Variants in ADGRL1 observed in about 807,000 individuals in gnomAD.
The protein encoded by ADGRL1 is CIRL-1.
A neutral mutation model predicts 148.9 loss-of-function variants in ADGRL1; 31 were observed. The ratio of observed to expected loss-of-function variants is 0.21; its 90% CI spans 0.16 to 0.28. ADGRL1 has a LOEUF of 0.28. Ranked by LOEUF, ADGRL1 falls within the 10% of genes least tolerant of loss-of-function variation. ADGRL1 has a pLI of 1.00. For missense variants in ADGRL1, 1,521 were observed against 2,058.8 expected, an observed-to-expected ratio of 0.74 and a Z score of 5.05; for synonymous variants, 937 against 900.3, an observed-to-expected ratio of 1.04 and a Z score of -0.73.
At chr19:14,187,754 T>C (rs1253113244) in intron 1 of ADGRL1, among the ~76,000 whole-genome samples, 3 of 152,124 alleles carry the variant, frequency 2.0e-5, no homozygotes, top group Non-Finnish European at 4.4e-5. Flanking sequence ...TCCAGCATGT[T>C]ACCTTGGGAA....
chr19:14,164,116 G>A (rs1056026319), intron 4 of ADGRL1, among the ~76,000 whole-genome samples: 1 of 151,568 alleles, frequency 6.6e-6, no homozygotes, highest in Non-Finnish European at 1.5e-5. Flanking sequence ...CAGTACCCAC[G>A]AAGTCAGTAG....
At chr19:14,184,663 G>A (rs1219144474) in intron 1 of ADGRL1, among the ~76,000 whole-genome samples, 1 of 131,016 alleles carries the variant, frequency 7.6e-6, no homozygotes, top group South Asian at 2.4e-4. Context: ...TTTCTGAGAC[G>A]GAGTCGTGCT....
Position 14,161,391 on chromosome 19 carries a change from G to T in ADGRL1, c.1431C>A (p.Pro477=). 1.9e-6 allele frequency: 3 copies of T among 1,589,346 alleles called. No individual in the cohort carries two copies. Among genetic ancestry groups the T allele is most frequent in the Non-Finnish European group, 2.6e-6 (3 of 1,169,928 alleles). Residue 477 remains proline, a synonymous_variant, in exon 6 of 23, where the codon CCC becomes CCA. Transcript: ENST00000361434. The surrounding 1 kb of genome is among the most constrained non-coding windows in gnomAD (Gnocchi z 4.4). ...GCCACTGGACCCGCCGTACCTCTCG[G>T]GGCTCGCAGAAGAGCTCAGGGGACA... ...LHVSPELFCE[P]REVRRVQWPA... is the part of the protein sequence containing the mutation.
chr19:14,183,208 A>AGAGAGC (rs1971327159), intron 2 of ADGRL1, among the ~76,000 whole-genome samples: 1 of 150,184 alleles, frequency 6.7e-6, no homozygotes, highest in Non-Finnish European at 1.5e-5. Flanking sequence ...AGAGAGAGAG[A>AGAGAGC]GAGAGAGAGC....
At chr19:14,180,716 A>AT (rs967722977) in intron 2 of ADGRL1, among the ~76,000 whole-genome samples, 2 of 150,994 alleles carry the variant, frequency 1.3e-5, no homozygotes, top group Admixed American at 6.6e-5. Context: ...TGCCTGGCTA[A>AT]TTTTTTTTTA....
At chr19:14,198,720 C>T (rs1568634181) in intron 1 of ADGRL1, among the ~76,000 whole-genome samples, 1 of 152,138 alleles carries the variant, frequency 6.6e-6, no homozygotes, top group African/African-American at 2.4e-5. Flanking sequence ...TTTGAGCCAC[C>T]ATCTTCTGTC....
At chr19:14,205,025 C>T (rs965054685) in intron 1 of ADGRL1, among the ~76,000 whole-genome samples, 4 of 152,010 alleles carry the variant, frequency 2.6e-5, no homozygotes, top group African/African-American at 9.7e-5. Context: ...AGTGTGAGGA[C>T]CCGGACTGGA....
Position 14,152,421 on chromosome 19 carries a change from G to C in ADGRL1, c.3537C>G (p.His1179Gln). 6.2e-7 allele frequency: 1 copy of C among 1,601,650 alleles called. No individual in the cohort carries two copies. The highest frequency in any genetic ancestry group is 8.5e-7 in the Non-Finnish European group (1 of 1,171,360). ...GCTGCAGCACGGGGTTGGTCAGCAG[G>C]TGGTTCCCCATGGTACCTGGCCAAA... ...PTLNRGTMGNHLLTNPVLQPR... is the reference protein window; with the variant it reads ...PTLNRGTMGNQLLTNPVLQPR... The change falls in exon 21 of 23, where the codon CAC (histidine) becomes CAG (glutamine). Residue 1179 changes from histidine to glutamine, a missense_variant. His to Gln is a conservative substitution (Grantham distance 24, BLOSUM62 0). Around this residue, in one of 8 missense-constraint regions of ADGRL1, gnomAD observed 47 missense variants for 64.6 expected, o/e 0.73. Coordinates refer to ENST00000361434, the MANE Select transcript of ADGRL1 (RefSeq NM_014921.5). This position sits in a 1 kb window ranked among gnomAD's most constrained non-coding sequence, Gnocchi z 6.1.
At chr19:14,195,256 G>A (rs1348940148) in intron 1 of ADGRL1, among the ~76,000 whole-genome samples, 2 of 152,202 alleles carry the variant, frequency 1.3e-5, no homozygotes, top group Non-Finnish European at 2.9e-5. Context: ...TCGCATCTAA[G>A]CCCTGCGTCT....
chr19:14,156,523 G>C, intron 16 of ADGRL1, 135 bp downstream of exon 16: 1 of 696,064 alleles, frequency 1.4e-6, no homozygotes, highest in South Asian at 1.7e-5. Flanking sequence ...TCAGCCGGTG[G>C]CTCAGTTCCG....
At chr19:14,169,872 C>G (rs140834722) in intron 4 of ADGRL1, 1 of 152,356 alleles carries the variant, frequency 6.6e-6, no homozygotes, top group Non-Finnish European at 1.5e-5. Context: ...GGGTGGGGTG[C>G]TGAGGAGGAG....
chr19:14,189,559 C>T (rs191401707), intron 1 of ADGRL1, among the ~76,000 whole-genome samples: 40 of 152,264 alleles, frequency 2.6e-4, no homozygotes, highest in African/African-American at 7.9e-4. Context: ...TCTCACTCAG[C>T]GCCACGTTTC....
chr19:14,174,457 GA>G (rs1194669924), intron 3 of ADGRL1, among the ~76,000 whole-genome samples: 2 of 151,920 alleles, frequency 1.3e-5, no homozygotes, highest in Non-Finnish European at 2.9e-5. Flanking sequence ...TCAGCCACCT[GA>G]ACACTGTCAT....
At chr19:14,154,671 A>C (rs1337937362) in intron 18 of ADGRL1, among the ~76,000 whole-genome samples, 1 of 151,846 alleles carries the variant, frequency 6.6e-6, no homozygotes, top group East Asian at 1.9e-4. Context: ...CAGTGGCGCA[A>C]TCTTGGCTCA....
At chr19:14,203,635 C>CCCCCAGGAGAAAGGGCT (rs151195554) in intron 1 of ADGRL1, among the ~76,000 whole-genome samples, 21,252 of 151,880 alleles carry the variant, frequency 0.14, 1,685 homozygotes, top group South Asian at 0.29. Flanking sequence ...CCTCCAAGGC[C>CCCCCAGGAGAAAGGGCT]CCCCAGGAGA....
chr19:14,152,064 C>T lies in ADGRL1; in HGVS notation c.3667+69G>A, dbSNP rs569572552. The T allele has an allele frequency of 1.7e-5, 25 of 1,456,286 alleles. No individual in the cohort carries two copies. The South Asian group carries it at 1.8e-4, about 11-fold the overall frequency. The allele number at this position is 1,456,286 out of a possible 1,614,324, so 90.2% of individuals were successfully genotyped here. The stretch of plus-strand genomic sequence containing the variant: ...CCGAGTTCTCCTCCTTAAGTGAGGC[C>T]GTCTGAGAAGGCCACTGTCTGTCCC... On this transcript the variant is annotated intron_variant, in intron 22 of 22. Transcript: ENST00000361434. This position sits in a 1 kb window ranked among gnomAD's most constrained non-coding sequence, Gnocchi z 6.1.
chr19:14,193,755 A>G (rs1972092449), intron 1 of ADGRL1, among the ~76,000 whole-genome samples: 1 of 152,244 alleles, frequency 6.6e-6, no homozygotes, highest in African/African-American at 2.4e-5. Flanking sequence ...GGACACAGAC[A>G]TGCACAGAAG....
chr19:14,175,083 T>A (rs966743283), intron 3 of ADGRL1, among the ~76,000 whole-genome samples: 6 of 151,986 alleles, frequency 3.9e-5, no homozygotes, highest in African/African-American at 1.2e-4. Context: ...CCTAAAGCGA[T>A]CCCCCTGCCT....
intron 1 of ADGRL1, among the ~76,000 whole-genome samples, chr19:14,185,050 T>A (rs1295669999): frequency 6.6e-6 from 1 of 152,044 alleles, no homozygotes; most frequent in Non-Finnish European, 1.5e-5. Flanking sequence ...CCCAAAACTT[T>A]GGGATTACAG....
Sources: gnomAD v4.1 joint callset for allele counts (sites outside exome capture counted in the v4.1 genomes callset) on GRCh38, gnomAD v4.1.1 for gene constraint, gnomAD v4.1.1 regional missense constraint, Gnocchi (gnomAD v3.1) non-coding constraint, MANE v1.5 for transcripts, NCBI Gene and HGNC (gene_info 2026-07-23, HGNC 2026-07-21) for gene names.